The following CDKN2B-AS1 variants were observed in gnomAD, a reference collection of about 807,000 sequenced individuals.
The protein encoded by CDKN2B-AS1 is CDKN2B and CDKN2A antisense cis and trans regulatory RNA 1.
intron 1 of CDKN2B-AS1, among the ~76,000 whole-genome samples, chr9:22,033,303 A>G (rs895598634): frequency 1.3e-5 from 2 of 152,334 alleles, no homozygotes; most frequent in African/African-American, 4.8e-5. Flanking sequence ...TACATGCACA[A>G]GTAGCTAAAG....
intron 4 of CDKN2B-AS1, among the ~76,000 whole-genome samples, chr9:22,086,928 A>G (rs769407635): frequency 6.6e-6 from 1 of 152,198 alleles, no homozygotes; most frequent in Non-Finnish European, 1.5e-5. Context: ...GCCCCTCCAG[A>G]ATTGTTACAA....
intron 1 of CDKN2B-AS1, among the ~76,000 whole-genome samples, chr9:22,040,170 A>G (rs1247773006): frequency 6.6e-6 from 1 of 151,996 alleles, no homozygotes; most frequent in Non-Finnish European, 1.5e-5. Context: ...GGCACTTTGT[A>G]CAGCAGTCCT....
chr9:22,070,891 G>C (rs928164540), intron 4 of CDKN2B-AS1, among the ~76,000 whole-genome samples: 1 of 152,150 alleles, frequency 6.6e-6, no homozygotes, highest in South Asian at 2.1e-4. Flanking sequence ...GATTTTGCCT[G>C]ACCCAGAGGA....
intron 4 of CDKN2B-AS1, among the ~76,000 whole-genome samples, chr9:22,110,156 A>G (rs988455465): frequency 1.1e-4 from 17 of 152,260 alleles, no homozygotes; most frequent in African/African-American, 4.1e-4. Flanking sequence ...TTAATCCACT[A>G]TTATTCTCTC....
intron 3 of CDKN2B-AS1, among the ~76,000 whole-genome samples, chr9:22,051,440 T>C (rs1405269618): frequency 6.6e-6 from 1 of 152,212 alleles, no homozygotes; most frequent in Non-Finnish European, 1.5e-5. Flanking sequence ...TTAAACTTGG[T>C]ATTGATTTGA....
At chr9:22,099,925 T>C (rs547728371) in intron 4 of CDKN2B-AS1, among the ~76,000 whole-genome samples, 33 of 152,248 alleles carry the variant, frequency 2.2e-4, no homozygotes, top group African/African-American at 7.2e-4. Context: ...ATTGGGTGGC[T>C]GAGGGAGAAC....
chr9:22,107,762 G>A (rs976894940), intron 4 of CDKN2B-AS1, among the ~76,000 whole-genome samples: 2 of 152,216 alleles, frequency 1.3e-5, no homozygotes, highest in African/African-American at 4.8e-5. Context: ...GTGTCATGAT[G>A]TGGCCTTCAG....
chr9:22,012,609 T>G, intron 1 of CDKN2B-AS1: 1 of 413,232 alleles, frequency 2.4e-6, no homozygotes, highest in East Asian at 5.9e-5. Context: ...AAAGTGTCCC[T>G]TTCATTGACT....
At chr9:22,015,807 T>C (rs1821727915) in intron 1 of CDKN2B-AS1, among the ~76,000 whole-genome samples, 1 of 152,220 alleles carries the variant, frequency 6.6e-6, no homozygotes, top group South Asian at 2.1e-4. Flanking sequence ...TGAGATGGTA[T>C]CTCATTGTGG....
chr9:22,066,074 C>T (rs1211668605), intron 4 of CDKN2B-AS1, among the ~76,000 whole-genome samples: 1 of 152,138 alleles, frequency 6.6e-6, no homozygotes, highest in Non-Finnish European at 1.5e-5. Flanking sequence ...TGTAATAGCT[C>T]ATATTGAATT....
chr9:22,091,126 C>G (rs1325243607), intron 4 of CDKN2B-AS1, among the ~76,000 whole-genome samples: 1 of 152,162 alleles, frequency 6.6e-6, no homozygotes, highest in South Asian at 2.1e-4. Flanking sequence ...TGTCAAAGAT[C>G]AGATTGTTGT....
intron 1 of CDKN2B-AS1, among the ~76,000 whole-genome samples, chr9:22,007,278 C>T (rs1821235770): frequency 6.6e-6 from 1 of 152,134 alleles, no homozygotes; most frequent in Non-Finnish European, 1.5e-5. Flanking sequence ...AGGAGAATCG[C>T]TTGCATCCTG....
rs570485534 is a variant in CDKN2B-AS1 at position 21,996,456 on chromosome 9, G to A, written n.29+1295G>A. ...CGCAAATATAGCTCTTTTTCCTTCA[G>A]GTCTCTTCTGAAGTAAGTAGCCCTT... On this transcript the variant is annotated intron_variant and non_coding_transcript_variant, in intron 1 of 4. Transcript: ENST00000650946. This position sits in a 1 kb window ranked among gnomAD's most constrained non-coding sequence, Gnocchi z 5.4. Among the ~76,000 whole-genome samples the A allele has an allele frequency of 6.6e-6, 1 of 152,058 alleles. No homozygotes were observed. Among genetic ancestry groups the A allele is most frequent in the East Asian group, 1.9e-4 (1 of 5,168 alleles).
chr9:22,064,496 A>G (rs997465368), intron 4 of CDKN2B-AS1, among the ~76,000 whole-genome samples: 2 of 152,210 alleles, frequency 1.3e-5, no homozygotes, highest in African/African-American at 2.4e-5. Flanking sequence ...TAAAGGGTTA[A>G]GAACGAGGGG....
intron 1 of CDKN2B-AS1, chr9:22,012,379 TG>T: frequency 1.1e-6 from 1 of 937,780 alleles, no homozygotes; most frequent in Non-Finnish European, 1.7e-6. Context: ...ACCTGCGAGG[TG>T]GCATTATTGA....
At chr9:22,076,025 T>C (rs1405244714) in intron 4 of CDKN2B-AS1, among the ~76,000 whole-genome samples, 1 of 152,152 alleles carries the variant, frequency 6.6e-6, no homozygotes, top group African/African-American at 2.4e-5. Context: ...GAAAGTCAAG[T>C]ACTGGCATCC....
At chr9:22,024,863 A>G (rs1369813080) in intron 1 of CDKN2B-AS1, among the ~76,000 whole-genome samples, 1 of 152,160 alleles carries the variant, frequency 6.6e-6, no homozygotes, top group African/African-American at 2.4e-5. Flanking sequence ...GGCATGGCCC[A>G]CTGGTGCAGA....
chr9:22,008,898 G>T lies in CDKN2B-AS1; in HGVS notation n.29+13737G>T, dbSNP rs184392037. On this transcript the variant is annotated intron_variant and non_coding_transcript_variant, in intron 1 of 4. Coordinates refer to ENST00000650946, the Ensembl canonical transcript of CDKN2B-AS1. ...CACTAGTCCCCGCGCCGCGGCGCTG[G>T]CCAGACCCTCATCGCTGCCGCCCCC... 307 of 1,612,786 alleles carry T rather than the reference G, an allele frequency of 1.9e-4. 1 individual carries two copies. Among genetic ancestry groups the T allele is most frequent in the Non-Finnish European group, 7.6e-5 (90 of 1,179,858 alleles).
At chr9:22,106,199 C>T (rs72652499) in intron 4 of CDKN2B-AS1, among the ~76,000 whole-genome samples, 233 of 152,258 alleles carry the variant, frequency 1.5e-3, no homozygotes, top group Non-Finnish European at 2.3e-3. Flanking sequence ...TCTCCTGCCT[C>T]AGCCTCCTGA....
Sources: gnomAD v4.1 joint callset for allele counts (sites outside exome capture counted in the v4.1 genomes callset) on GRCh38, gnomAD v4.1.1 for gene constraint, Gnocchi (gnomAD v3.1) non-coding constraint, MANE v1.5 for transcripts, NCBI Gene and HGNC (gene_info 2026-07-23, HGNC 2026-07-21) for gene names.